SH3GL3: variants seen among roughly 807,000 people sequenced by gnomAD.
The protein encoded by SH3GL3 is SH3 domain containing GRB2 like 3, endophilin A3, also known as endophilin-A3.
In SH3GL3, 33 loss-of-function variants were observed where a neutral mutation model predicts 47.7. That is an observed-to-expected ratio of 0.69 (90% CI 0.52 to 0.92). The LOEUF (loss-of-function observed/expected upper bound fraction) is 0.92, where lower values mean the gene tolerates loss of function less well. SH3GL3 is among the 40% of genes least tolerant of loss of function. The pLI is 0.00. For missense variants in SH3GL3, 363 were observed against 417.8 expected (o/e 0.87, Z 1.14); for synonymous variants, 155 against 148.8 (o/e 1.04, Z -0.30).
intron 8 of SH3GL3, among the ~76,000 whole-genome samples, chr15:83,595,618 G>GTT (rs33947427): frequency 3.5e-5 from 5 of 144,206 alleles, no homozygotes; most frequent in East Asian, 2.0e-4. Context: ...GTTACTCCTT[G>GTT]TTTTTTTTTT....
At chr15:83,554,613 C>T (rs1355122804) in intron 1 of SH3GL3, among the ~76,000 whole-genome samples, 1 of 152,168 alleles carries the variant, frequency 6.6e-6, no homozygotes, top group Non-Finnish European at 1.5e-5. Flanking sequence ...GTTTTGAACA[C>T]CTGACCTCAG....
At chr15:83,485,366 T>G (rs532708759) in intron 1 of SH3GL3, among the ~76,000 whole-genome samples, 1 of 152,302 alleles carries the variant, frequency 6.6e-6, no homozygotes, top group African/African-American at 2.4e-5. Flanking sequence ...AATGAAAAAG[T>G]GTTGTGTTCT....
In SH3GL3 at chr15:83,458,933, A is replaced by G. The variant is rs1055165039; in HGVS notation, c.45+11355A>G. On this transcript the variant is annotated intron_variant, in intron 1 of 8. Transcript: ENST00000427482. ...ATTGACTCACACGATCACAAGGTGA[A>G]GTCCCACAATAGGTTATCTGCAAGC... Among the ~76,000 whole-genome samples, 7 of 152,368 alleles carry G rather than the reference A, an allele frequency of 4.6e-5. 1 individual carries two copies. In the South Asian group the frequency reaches 1.4e-3, roughly 32 times the overall value.
downstream of SH3GL3, among the ~76,000 whole-genome samples, chr15:83,620,353 A>T (rs2060911145): frequency 1.3e-5 from 2 of 152,248 alleles, no homozygotes; most frequent in Admixed American, 1.3e-4. Flanking sequence ...GCCCAGATCC[A>T]TCAATAGAAT....
intron 8 of SH3GL3, among the ~76,000 whole-genome samples, chr15:83,596,138 T>C (rs1334837396): frequency 6.6e-6 from 1 of 152,252 alleles, no homozygotes; most frequent in Non-Finnish European, 1.5e-5. Context: ...TCTTGGTTTC[T>C]TCTGAAATGT....
chr15:83,555,302 C>T (rs1439691838), intron 1 of SH3GL3, among the ~76,000 whole-genome samples: 2 of 152,036 alleles, frequency 1.3e-5, no homozygotes, highest in Admixed American at 1.3e-4. Context: ...TAATAATATC[C>T]TAAACACACA....
At chr15:83,482,311 C>T (rs1471604289) in intron 1 of SH3GL3, among the ~76,000 whole-genome samples, 1 of 151,972 alleles carries the variant, frequency 6.6e-6, no homozygotes. Context: ...TATTGTTTTA[C>T]AGTTTGCAGT....
chr15:83,485,380 C>G (rs187693892), intron 1 of SH3GL3, among the ~76,000 whole-genome samples: 1 of 152,006 alleles, frequency 6.6e-6, no homozygotes, highest in African/African-American at 2.4e-5. Flanking sequence ...GTGTTCTTTG[C>G]GATGATTTTT....
chr15:83,519,973 G>A (rs927853289), intron 1 of SH3GL3, among the ~76,000 whole-genome samples: 4 of 152,202 alleles, frequency 2.6e-5, no homozygotes, highest in African/African-American at 9.6e-5. Context: ...CTGCCTTAGT[G>A]TCACGAATGT....
intron 8 of SH3GL3, among the ~76,000 whole-genome samples, chr15:83,608,404 CA>C (rs1475200043): frequency 3.3e-5 from 5 of 152,040 alleles, no homozygotes; most frequent in Non-Finnish European, 7.4e-5. Flanking sequence ...TACCCATGGA[CA>C]AAAACAATAT....
chr15:83,551,713 T>C (rs2044678750), intron 1 of SH3GL3, among the ~76,000 whole-genome samples: 1 of 152,186 alleles, frequency 6.6e-6, no homozygotes, highest in African/African-American at 2.4e-5. Context: ...GCCTGTCTGC[T>C]CCTTTTCATT....
chr15:83,586,421 A>G (rs2059956230), intron 6 of SH3GL3, among the ~76,000 whole-genome samples: 1 of 152,228 alleles, frequency 6.6e-6, no homozygotes, highest in Non-Finnish European at 1.5e-5. Flanking sequence ...TCTATGTTTC[A>G]GGGAAAATAT....
At chr15:83,633,645 C>G in the SH3GL3 span, among the ~76,000 whole-genome samples, 1 of 152,186 alleles carries the variant, frequency 6.6e-6, no homozygotes, top group Non-Finnish European at 1.5e-5. Flanking sequence ...GGCACCAAAG[C>G]AAGTCATGGG....
intron 1 of SH3GL3, among the ~76,000 whole-genome samples, chr15:83,475,731 T>C (rs2041066619): frequency 6.6e-6 from 1 of 152,238 alleles, no homozygotes; most frequent in Non-Finnish European, 1.5e-5. Flanking sequence ...ATGCTTGCAT[T>C]CTTTTCTCAT....
intron 1 of SH3GL3, among the ~76,000 whole-genome samples, chr15:83,524,679 C>G (rs61404010): frequency 0.016 from 2,380 of 152,002 alleles, 61 homozygotes; most frequent in African/African-American, 0.055. Flanking sequence ...GCAACACACC[C>G]TTCCCAGCAT....
chr15:83,567,965 T>C (rs140822064), intron 3 of SH3GL3, among the ~76,000 whole-genome samples: 7,330 of 149,012 alleles, frequency 0.049, 362 homozygotes, highest in Admixed American at 0.15. Context: ...TTCTTTTTTT[T>C]TTTCTTTCTT....
intron 2 of SH3GL3, among the ~76,000 whole-genome samples, chr15:83,563,511 C>A (rs183225197): frequency 6.6e-6 from 1 of 152,110 alleles, no homozygotes. Context: ...CCATATAATA[C>A]CTGATATTGA....
intron 8 of SH3GL3, among the ~76,000 whole-genome samples, chr15:83,599,559 C>A (rs1166042437): frequency 1.3e-5 from 2 of 152,098 alleles, no homozygotes; most frequent in African/African-American, 4.8e-5. Context: ...AGTATTCTAC[C>A]ACATATATAT....
chr15:83,613,633 A>G (rs915593859), intron 8 of SH3GL3, among the ~76,000 whole-genome samples: 13 of 139,190 alleles, frequency 9.3e-5, no homozygotes, highest in African/African-American at 3.3e-4. Context: ...CTATCTATCT[A>G]TCTATCTATC....
Sources: allele counts gnomAD v4.1 joint callset (sites outside exome capture counted in the v4.1 genomes callset), GRCh38; gene constraint gnomAD v4.1.1; transcripts MANE v1.5; gene names NCBI Gene and HGNC (gene_info 2026-07-23, HGNC 2026-07-21).